Variants in CNTNAP2 observed in about 807,000 individuals in gnomAD.
The protein encoded by CNTNAP2 is contactin-associated protein-like 2.
CNTNAP2 carries 98 observed loss-of-function variants against 155.2 expected under a neutral mutation model. The ratio of observed to expected loss-of-function variants is 0.63; its 90% CI spans 0.54 to 0.75. CNTNAP2 has a LOEUF of 0.75. Ranked by LOEUF, CNTNAP2 falls within the 30% of genes least tolerant of loss-of-function variation. The pLI is 0.00. For synonymous variants in CNTNAP2, 651 were observed against 631.2 expected (o/e 1.03, Z -0.47); for missense variants, 1,727 against 1,688.1 (o/e 1.02, Z -0.40).
chr7:146,554,830 A>G (rs1402775811), intron 1 of CNTNAP2, among the ~76,000 whole-genome samples: 3 of 152,224 alleles, frequency 2.0e-5, no homozygotes, highest in Non-Finnish European at 4.4e-5. Context: ...AGACCTTTTT[A>G]ACAAAATAGG....
At chr7:148,007,609 G>A (rs926153125) in intron 15 of CNTNAP2, among the ~76,000 whole-genome samples, 17 of 152,154 alleles carry the variant, frequency 1.1e-4, no homozygotes, top group Admixed American at 6.5e-5. Flanking sequence ...CATAAGAACT[G>A]ACTAGGGTAC....
At chr7:146,402,721 A>G (rs749351890) in intron 1 of CNTNAP2, among the ~76,000 whole-genome samples, 2 of 152,130 alleles carry the variant, frequency 1.3e-5, no homozygotes, top group Non-Finnish European at 2.9e-5. Context: ...AAAATAAGAG[A>G]AATAAATGTA....
At chr7:147,474,940 A>G (rs1246341721) in intron 10 of CNTNAP2, among the ~76,000 whole-genome samples, 1 of 152,166 alleles carries the variant, frequency 6.6e-6, no homozygotes, top group South Asian at 2.1e-4. Flanking sequence ...TTCACTATTC[A>G]CACAACAGCT....
chr7:146,759,711 A>AAAGG (rs1309834469), intron 1 of CNTNAP2, among the ~76,000 whole-genome samples: 7 of 60,730 alleles, frequency 1.2e-4, no homozygotes, highest in Non-Finnish European at 1.6e-4. Context: ...AAAAAAAAAA[A>AAAGG]GGTGGGTGGG....
intron 15 of CNTNAP2, among the ~76,000 whole-genome samples, chr7:148,012,710 C>T (rs4330608): frequency 6.6e-6 from 1 of 152,206 alleles, no homozygotes; most frequent in Non-Finnish European, 1.5e-5. Flanking sequence ...ACTCCTCACT[C>T]TCATTTAATT....
intron 10 of CNTNAP2, among the ~76,000 whole-genome samples, chr7:147,462,450 TTCCAGCCCCTATTAACGTTAG>T (rs1798041329): frequency 6.6e-6 from 1 of 152,252 alleles, no homozygotes; most frequent in African/African-American, 2.4e-5. Context: ...GCATTTCATT[TTCCAGCCCCTATTAACGTTAG>T]CCAATTTACT....
intron 14 of CNTNAP2, among the ~76,000 whole-genome samples, chr7:147,908,050 T>G (rs1799997006): frequency 6.6e-6 from 1 of 152,116 alleles, no homozygotes; most frequent in Non-Finnish European, 1.5e-5. Flanking sequence ...ATTACAGGCA[T>G]GAGCCACCAC....
At chr7:147,245,428 GCATCAGTT>G (rs1473358397) in intron 8 of CNTNAP2, among the ~76,000 whole-genome samples, 3 of 152,032 alleles carry the variant, frequency 2.0e-5, no homozygotes, top group African/African-American at 7.2e-5. Flanking sequence ...CCTCCACAGA[GCATCAGTT>G]GCTGTTTCAT....
intron 17 of CNTNAP2, among the ~76,000 whole-genome samples, chr7:148,157,172 T>C (rs1027735644): frequency 6.6e-6 from 1 of 152,226 alleles, no homozygotes; most frequent in African/African-American, 2.4e-5. Flanking sequence ...ATAGGGCATA[T>C]ACCAAGTAAC....
At chr7:147,724,439 G>T (rs1472258685) in intron 13 of CNTNAP2, among the ~76,000 whole-genome samples, 1 of 152,028 alleles carries the variant, frequency 6.6e-6, no homozygotes, top group African/African-American at 2.4e-5. Flanking sequence ...CCTCACAGTT[G>T]CAGGGTCTGT....
At chr7:147,889,902 A>G (rs1393526731) in intron 13 of CNTNAP2, among the ~76,000 whole-genome samples, 2 of 152,232 alleles carry the variant, frequency 1.3e-5, no homozygotes, top group Non-Finnish European at 2.9e-5. Flanking sequence ...TTTCAAGCAC[A>G]TGTAAAATGT....
intron 18 of CNTNAP2, among the ~76,000 whole-genome samples, chr7:148,201,824 AT>A (rs1362381615): frequency 3.9e-5 from 6 of 152,162 alleles, no homozygotes; most frequent in African/African-American, 1.4e-4. Flanking sequence ...ATTAAAAAAA[AT>A]AAGACATTAG....
At chr7:146,371,592 C>G (rs1795237400) in intron 1 of CNTNAP2, among the ~76,000 whole-genome samples, 2 of 151,626 alleles carry the variant, frequency 1.3e-5, no homozygotes, top group Admixed American at 6.6e-5. Context: ...GTCTCGATCT[C>G]CTGACCTTGT....
At position 148,415,537 on chromosome 7, in the gene CNTNAP2, G is replaced by C; in HGVS notation, c.3917G>C (p.Ser1306Thr). 2 of 1,614,244 alleles carry C rather than the reference G, an allele frequency of 1.2e-6. No homozygotes were observed. The highest frequency in any genetic ancestry group is 1.7e-6 in the Non-Finnish European group (2 of 1,180,030). ...GCAAAGGGGGCGGAGTCGGCAGAGA[G>C]CGCGGACGCCGCCATCATGAACAAC... ...NEAKGAESAESADAAIMNNDP... is the reference protein window; with the variant it reads ...NEAKGAESAETADAAIMNNDP... Residue 1306 changes from serine (S) to threonine (T), a missense_variant, in exon 24 of 24, where the codon AGC becomes ACC. Ser to Thr is a moderately conservative substitution (Grantham distance 58). Coordinates refer to ENST00000361727, the MANE Select transcript of CNTNAP2 (RefSeq NM_014141.6).
chr7:146,667,067 AGT>A (rs1176761942), intron 1 of CNTNAP2, among the ~76,000 whole-genome samples: 1 of 152,084 alleles, frequency 6.6e-6, no homozygotes, highest in African/African-American at 2.4e-5. Context: ...TTTCCAGACC[AGT>A]GTCTTGAAGA....
At chr7:147,138,198 C>G (rs952566309) in intron 8 of CNTNAP2, among the ~76,000 whole-genome samples, 8 of 151,562 alleles carry the variant, frequency 5.3e-5, no homozygotes, top group Non-Finnish European at 8.8e-5. Flanking sequence ...ATTCTTAGGG[C>G]GAAAATGGAG....
intron 15 of CNTNAP2, among the ~76,000 whole-genome samples, chr7:148,072,974 C>T (rs1375831722): frequency 6.6e-6 from 1 of 152,178 alleles, no homozygotes; most frequent in Non-Finnish European, 1.5e-5. Context: ...CCCCAAAGTA[C>T]TGGGATTACA....
At chr7:146,238,271 T>C (rs567417035) in intron 1 of CNTNAP2, among the ~76,000 whole-genome samples, 14 of 152,324 alleles carry the variant, frequency 9.2e-5, no homozygotes, top group African/African-American at 3.4e-4. Context: ...TGGTTGTTGC[T>C]CAAAAGCATA....
chr7:147,583,387 G>C (rs1203990364), intron 12 of CNTNAP2, among the ~76,000 whole-genome samples: 3 of 151,446 alleles, frequency 2.0e-5, no homozygotes, highest in Non-Finnish European at 2.9e-5. Context: ...CCATTGGATA[G>C]TGCTTTGACA....
Sources: gnomAD v4.1 joint callset for allele counts (sites outside exome capture counted in the v4.1 genomes callset) on GRCh38, gnomAD v4.1.1 for gene constraint, MANE v1.5 for transcripts, NCBI Gene and HGNC (gene_info 2026-07-23, HGNC 2026-07-21) for gene names.